PLEKHJ1: variants seen among roughly 807,000 people sequenced by gnomAD.
PLEKHJ1 encodes the protein pleckstrin homology domain-containing family J member 1.
Under a neutral mutation model 21.7 loss-of-function variants are expected in PLEKHJ1, and 20 were observed. The ratio of observed to expected loss-of-function variants is 0.92; its 90% CI spans 0.65 to 1.34. The LOEUF is 1.34. Ranked by LOEUF, PLEKHJ1 falls within the 40% of genes most tolerant of loss-of-function variation. PLEKHJ1 has a pLI of 0.00. For missense variants in PLEKHJ1, 241 were observed against 202.0 expected (o/e 1.19, Z -1.17); for synonymous variants, 113 against 80.6 (o/e 1.40, Z -2.15).
downstream of PLEKHJ1, chr19:2,232,546 G>C (rs1306604513): frequency 4.7e-6 from 1 of 213,072 alleles, no homozygotes; most frequent in African/African-American, 2.3e-5. Flanking sequence ...CCCACCTCTA[G>C]ACGCTGTAAT....
rs1770057718 is a variant in PLEKHJ1 at position 2,235,946 on chromosome 19, A to G, written c.139T>C (p.Tyr47His). ...LVKLVVNFLF[Y>H]FRTDEAEPVG... Reference sequence around the variant, plus strand: ...ACCTCGGCCTCGTCTGTCCGAAAGTAGAAGAGGAAATTCACCACCAGCTTC... The same window carrying G: ...ACCTCGGCCTCGTCTGTCCGAAAGTGGAAGAGGAAATTCACCACCAGCTTC... The change falls in exon 2 of 6, where the codon TAC becomes CAC. Residue 47 changes from tyrosine to histidine, a missense_variant. Physicochemically the swap from Tyr to His is moderately conservative, Grantham distance 83. Transcript: ENST00000326631. 2 of 1,610,458 alleles carry G rather than the reference A, an allele frequency of 1.2e-6. No homozygotes were observed. Among genetic ancestry groups the G allele is most frequent in the Non-Finnish European group, 8.5e-7 (1 of 1,179,074 alleles).
rs966424243 is a variant in PLEKHJ1, at chr19:2,233,752, A to C, written c.*88T>G. On this transcript the variant is annotated 3_prime_UTR_variant, in exon 6 of 6. Coordinates refer to ENST00000326631, the MANE Select transcript of PLEKHJ1 (RefSeq NM_018049.3). The stretch of plus-strand genomic sequence containing the variant: ...CCCTGACCCAAAAACCAAAAACCAA[A>C]ACAAAACAGATCCAGGCATGGCCAA... 19 of 1,352,398 alleles carry C rather than the reference A, an allele frequency of 1.4e-5. No homozygotes were observed. Among genetic ancestry groups the C allele is most frequent in the Non-Finnish European group, 1.9e-5 (19 of 989,534 alleles). 83.8% of individuals were successfully genotyped at this position (1,352,398 alleles called of 1,614,324 possible).
intron 3 of PLEKHJ1, chr19:2,234,500 CAGG>C (rs2024730490): frequency 4.5e-6 from 2 of 439,676 alleles, no homozygotes; most frequent in Non-Finnish European, 8.2e-6. Context: ...TGCTTGAGCT[CAGG>C]AGTTCGAGAC....
downstream of PLEKHJ1, chr19:2,232,373 A>T (rs1048895646): frequency 4.4e-4 from 64 of 145,222 alleles, no homozygotes; most frequent in African/African-American, 1.3e-3. Flanking sequence ...TCGTGGTCAG[A>T]CCCCCCTCCC....
intron 3 of PLEKHJ1, 75 bp downstream of exon 3, chr19:2,235,687 C>A: frequency 7.3e-7 from 1 of 1,376,986 alleles, no homozygotes; most frequent in South Asian, 1.3e-5. Flanking sequence ...CTTGGGCGCC[C>A]GGGGAGGGGA....
At chr19:2,232,362 A>G (rs1462586807), downstream of PLEKHJ1, 1 of 56,236 alleles carries the variant, frequency 1.8e-5, no homozygotes, top group Non-Finnish European at 3.4e-5. Context: ...TGCCCTCGCC[A>G]TCGTGGTCAG....
At chr19:2,230,137 C>T (rs563220320), downstream of PLEKHJ1, 17 of 509,898 alleles carry the variant, frequency 3.3e-5, no homozygotes, top group Middle Eastern at 5.1e-4. Context: ...GGCCCGCCAG[C>T]GGATTCGCCA....
At chr19:2,230,562 G>A (rs1344884731), downstream of PLEKHJ1, 7 of 398,592 alleles carry the variant, frequency 1.8e-5, no homozygotes, top group Admixed American at 4.4e-5. Context: ...TCCATGGCTC[G>A]CAGCATGCCC....
chr19:2,236,104 GC>G, intron 1 of PLEKHJ1, 50 bp downstream of exon 1: 2 of 1,405,270 alleles, frequency 1.4e-6, no homozygotes, highest in South Asian at 1.5e-5. Context: ...CCAGACCCCG[GC>G]CCCGGCCTCC....
Position 2,233,155 on chromosome 19 carries a change from TG to T in PLEKHJ1, c.*684del, listed in dbSNP as rs2024670912. 1 of 152,378 alleles carries T rather than the reference TG, an allele frequency of 6.6e-6. No individual in the cohort carries two copies. Among genetic ancestry groups the T allele is most frequent in the South Asian group, 2.1e-4 (1 of 4,832 alleles). The allele number at this position is 152,378 out of a possible 1,614,324, so 9.4% of individuals were successfully genotyped here. A position where few individuals can be genotyped will look rare whatever the true frequency, so the allele number is the denominator to read the frequency against. On this transcript the variant is annotated 3_prime_UTR_variant, in exon 6 of 6. Coordinates refer to ENST00000326631, the MANE Select transcript of PLEKHJ1 (RefSeq NM_018049.3). ...TCCTTCACTTCACCGCCATCCAGTG[TG>T]GAAAAGAGGTACCTTTATTTGAACA...
chr19:2,233,827 C>G lies in PLEKHJ1; in HGVS notation c.*13G>C. ...GTCCCGTCCCGCTGCACGCTGACCA[C>G]CGTGCCCTGCGCTCACGCCTGCAAG... On this transcript the variant is annotated 3_prime_UTR_variant, in exon 6 of 6. Transcript: ENST00000326631. 1 of 1,595,848 alleles carries G rather than the reference C, an allele frequency of 6.3e-7. No individual in the cohort carries two copies. Among genetic ancestry groups the G allele is most frequent in the Non-Finnish European group, 8.5e-7 (1 of 1,173,466 alleles).
chr19:2,235,652 G>T, intron 3 of PLEKHJ1, 110 bp downstream of exon 3: 1 of 885,036 alleles, frequency 1.1e-6, no homozygotes, highest in Non-Finnish European at 1.7e-6. Flanking sequence ...GGAGGGTGGC[G>T]CCAGGCTGGG....
At chr19:2,234,362 G>T in intron 3 of PLEKHJ1, 122 bp from the exon 4 acceptor site, 1 of 685,158 alleles carries the variant, frequency 1.5e-6, no homozygotes, top group Non-Finnish European at 2.5e-6. Flanking sequence ...TGACCCCCCA[G>T]AACCCATGAG....
intron 1 of PLEKHJ1, 69 bp from the exon 2 acceptor site, chr19:2,236,059 GC>G: frequency 6.9e-7 from 1 of 1,453,686 alleles, no homozygotes. Context: ...CGTCCCCGGC[GC>G]CCCGACCCGG....
At chr19:2,231,648 A>G, downstream of PLEKHJ1, 1 of 214,210 alleles carries the variant, frequency 4.7e-6, no homozygotes, top group East Asian at 6.9e-5. Flanking sequence ...CTGAGCCCCA[A>G]GCCCCGAGCC....
At chr19:2,232,749 A>T (rs1431327529), downstream of PLEKHJ1, among the ~76,000 whole-genome samples, 1 of 151,910 alleles carries the variant, frequency 6.6e-6, no homozygotes, top group Non-Finnish European at 1.5e-5. Flanking sequence ...GGGGAGGCTT[A>T]TGAGGGCACC....
rs772975009 is a variant in PLEKHJ1 at position 2,234,163 on chromosome 19, GA to G, written c.306del (p.Leu103CysfsTer23). 1.9e-6 allele frequency: 3 copies of G among 1,612,502 alleles called. No individual in the cohort carries two copies. Among genetic ancestry groups the G allele is most frequent in the Non-Finnish European group, 2.5e-6 (3 of 1,180,002 alleles). The part of the protein sequence containing the change: ...SEEQCQEWME[A>X]LRRASYEFMR... ...GCCTGGCCCCACCTGGCCCGACGCA[GA>G]GCCTCCATCCACTCCTGACACTGCT... On this transcript the variant is annotated frameshift_variant, in exon 4 of 6. Coordinates refer to ENST00000326631, the MANE Select transcript of PLEKHJ1 (RefSeq NM_018049.3). LOFTEE classifies it high-confidence loss of function.
chr19:2,229,987 G>T, downstream of PLEKHJ1: 1 of 797,978 alleles, frequency 1.3e-6, no homozygotes, highest in Non-Finnish European at 1.9e-6. Context: ...GATAGTTTTA[G>T]ATAAAGTATT....
At chr19:2,232,044 G>A (rs1370445178), downstream of PLEKHJ1, 4 of 210,426 alleles carry the variant, frequency 1.9e-5, no homozygotes, top group Non-Finnish European at 2.9e-5. Context: ...CAGACTGAGG[G>A]GTGGTGTGTG....
Sources: allele counts gnomAD v4.1 joint callset (sites outside exome capture counted in the v4.1 genomes callset), GRCh38; gene constraint gnomAD v4.1.1; transcripts MANE v1.5; gene names NCBI Gene and HGNC (gene_info 2026-07-23, HGNC 2026-07-21).